Variants in MAF observed in about 807,000 individuals in gnomAD.
The protein encoded by MAF is MAF bZIP transcription factor, also known as transcription factor Maf.
Under a neutral mutation model 22.0 loss-of-function variants are expected in MAF, and 10 were observed. The observed-to-expected ratio is 0.45, with a 90% CI of 0.28 to 0.77. The LOEUF (loss-of-function observed/expected upper bound fraction) is 0.77. Ranked by LOEUF, MAF falls within the 30% of genes least tolerant of loss-of-function variation. The pLI is 0.12. For missense variants in MAF, 544 were observed against 548.4 expected (o/e 0.99, Z 0.08); for synonymous variants, 337 against 255.8 (o/e 1.32, Z -3.03).
the MAF span, chr16:79,211,482 A>C: frequency 8.1e-7 from 1 of 1,231,306 alleles, no homozygotes. Flanking sequence ...ACCCTTTGCT[A>C]TGCCAAGATC....
the MAF span, among the ~76,000 whole-genome samples, chr16:79,333,112 G>A: frequency 3.3e-5 from 5 of 152,122 alleles, no homozygotes; most frequent in African/African-American, 4.8e-5. Flanking sequence ...CCATCTCAGC[G>A]GGAGATGGTG....
chr16:79,232,370 G>T, the MAF span, among the ~76,000 whole-genome samples: 3 of 152,012 alleles, frequency 2.0e-5, no homozygotes, highest in Non-Finnish European at 4.4e-5. Flanking sequence ...ATTTGCATAA[G>T]AACATTTTCA....
chr16:79,280,096 T>A, the MAF span, among the ~76,000 whole-genome samples: 47 of 152,322 alleles, frequency 3.1e-4, no homozygotes, highest in African/African-American at 1.1e-3. Context: ...ATCAGCTCGA[T>A]AAGCTGCCCT....
the MAF span, among the ~76,000 whole-genome samples, chr16:79,375,914 G>A: frequency 2.6e-5 from 4 of 152,166 alleles, no homozygotes; most frequent in Non-Finnish European, 5.9e-5. Flanking sequence ...GATAGAATCA[G>A]AACATATCAA....
chr16:79,450,637 G>A, the MAF span, among the ~76,000 whole-genome samples: 1 of 152,064 alleles, frequency 6.6e-6, no homozygotes, highest in East Asian at 1.9e-4. Context: ...AGAAAATGTG[G>A]TTTTTATAAG....
chr16:79,366,093 T>G, the MAF span, among the ~76,000 whole-genome samples: 1 of 152,246 alleles, frequency 6.6e-6, no homozygotes, highest in Admixed American at 6.5e-5. Context: ...TCAGAAAAAC[T>G]AATATTTGTT....
the MAF span, among the ~76,000 whole-genome samples, chr16:79,495,374 G>C: frequency 6.6e-6 from 1 of 152,056 alleles, no homozygotes; most frequent in Non-Finnish European, 1.5e-5. Flanking sequence ...GAGGTAGGAG[G>C]ATCACTTGAG....
chr16:79,240,253 A>T, the MAF span, among the ~76,000 whole-genome samples: 1 of 151,650 alleles, frequency 6.6e-6, no homozygotes, highest in Non-Finnish European at 1.5e-5. Flanking sequence ...GAATGAAAAA[A>T]AATTGGAAGA....
At chr16:79,347,822 C>A in the MAF span, among the ~76,000 whole-genome samples, 1 of 152,166 alleles carries the variant, frequency 6.6e-6, no homozygotes, top group Non-Finnish European at 1.5e-5. Context: ...AGAGGTCAGA[C>A]TCAGGAACCA....
At chr16:79,569,928 G>C in the MAF span, among the ~76,000 whole-genome samples, 1 of 151,864 alleles carries the variant, frequency 6.6e-6, no homozygotes, top group Non-Finnish European at 1.5e-5. Flanking sequence ...GAATCCGGGA[G>C]GGATGCAGCA....
chr16:79,360,641 G>C, the MAF span, among the ~76,000 whole-genome samples: 11 of 152,166 alleles, frequency 7.2e-5, no homozygotes, highest in East Asian at 2.1e-3. Context: ...GCAGCCAAGA[G>C]CATGAGGGTC....
At chr16:79,393,948 G>A in the MAF span, among the ~76,000 whole-genome samples, 1 of 152,318 alleles carries the variant, frequency 6.6e-6, no homozygotes, top group Admixed American at 6.5e-5. Context: ...GCCAGGTACA[G>A]TGCAAAGAAC....
the MAF span, among the ~76,000 whole-genome samples, chr16:79,334,701 C>T: frequency 2.0e-5 from 3 of 152,124 alleles, no homozygotes; most frequent in Non-Finnish European, 2.9e-5. Context: ...AGCCCATACC[C>T]ATGAAGCTGG....
At chr16:79,302,204 G>A in the MAF span, among the ~76,000 whole-genome samples, 2 of 152,192 alleles carry the variant, frequency 1.3e-5, no homozygotes, top group Non-Finnish European at 2.9e-5. Context: ...AATGACTCAG[G>A]ACTCCATTCT....
the MAF span, among the ~76,000 whole-genome samples, chr16:79,357,308 C>T: frequency 6.8e-6 from 1 of 146,044 alleles, no homozygotes; most frequent in Non-Finnish European, 1.5e-5. Flanking sequence ...AATTAGCTGG[C>T]CTGTGGTGGC....
chr16:79,480,118 T>A, the MAF span, among the ~76,000 whole-genome samples: 1 of 152,164 alleles, frequency 6.6e-6, no homozygotes, highest in African/African-American at 2.4e-5. Flanking sequence ...TTGACTGCTT[T>A]GCTTGGTCTG....
chr16:79,385,884 G>A, the MAF span, among the ~76,000 whole-genome samples: 33 of 152,258 alleles, frequency 2.2e-4, no homozygotes, highest in East Asian at 5.8e-4. Flanking sequence ...TCCCACCTGG[G>A]CTAAAGAGAG....
intron 1 of MAF, among the ~76,000 whole-genome samples, chr16:79,588,086 G>A (rs1016816065): frequency 3.3e-5 from 5 of 152,206 alleles, no homozygotes; most frequent in African/African-American, 1.2e-4. Context: ...ACTTGGATCT[G>A]TTTACCTAAC....
chr16:79,565,959 G>C, the MAF span, among the ~76,000 whole-genome samples: 2 of 152,132 alleles, frequency 1.3e-5, no homozygotes, highest in Non-Finnish European at 2.9e-5. Flanking sequence ...ACAAGGATTG[G>C]ACATCAAGTC....
Sources: allele counts gnomAD v4.1 joint callset (sites outside exome capture counted in the v4.1 genomes callset), GRCh38; gene constraint gnomAD v4.1.1; transcripts MANE v1.5; gene names NCBI Gene and HGNC (gene_info 2026-07-23, HGNC 2026-07-21).